Variants in RIMBP2 observed in about 807,000 individuals in gnomAD.
RIMBP2 encodes the protein RIMS-binding protein 2.
Under a neutral mutation model 118.6 loss-of-function variants are expected in RIMBP2, and 48 were observed. That is an observed-to-expected ratio of 0.40 (90% CI 0.32 to 0.51). The LOEUF is 0.51. RIMBP2 is among the 20% of genes least tolerant of loss of function. The probability of loss-of-function intolerance (pLI) is 0.41; values close to 1 mark genes in which losing one functional copy is unlikely to be tolerated. For synonymous variants in RIMBP2, 762 were observed against 742.9 expected (o/e 1.03, Z -0.42); for missense variants, 1,551 against 1,768.3 (o/e 0.88, Z 2.20).
chr12:130,450,321 G>A lies in RIMBP2; in HGVS notation c.505-45C>T, dbSNP rs1463527167. Reference sequence around the variant, plus strand: ...TGTGTGGGTTATTGAAGCTGGAGGTGTCCCACCCCATTCCCGCGGCACACG... The same window carrying A: ...TGTGTGGGTTATTGAAGCTGGAGGTATCCCACCCCATTCCCGCGGCACACG... On this transcript the variant is annotated intron_variant, in intron 8 of 22. Coordinates refer to ENST00000690449, the MANE Select transcript of RIMBP2 (RefSeq NM_001393629.1). This position sits in a 1 kb window ranked among gnomAD's most constrained non-coding sequence, Gnocchi z 4.8. 1.4e-6 allele frequency: 2 copies of A among 1,439,300 alleles called. No individual in the cohort carries two copies. The highest frequency in any genetic ancestry group is 1.9e-6 in the Non-Finnish European group (2 of 1,032,794). 89.2% of individuals were successfully genotyped at this position (1,439,300 alleles called of 1,614,324 possible). A position where few individuals can be genotyped will look rare whatever the true frequency, so the allele number is the denominator to read the frequency against.
At chr12:130,664,334 CAG>C (rs2136372844) in intron 1 of RIMBP2, among the ~76,000 whole-genome samples, 1 of 151,514 alleles carries the variant, frequency 6.6e-6, no homozygotes, top group Non-Finnish European at 1.5e-5. Context: ...GAAATAGACA[CAG>C]AAATACACAC....
In RIMBP2 at chr12:130,442,663, G is replaced by A. The variant is rs2078225186; in HGVS notation, c.692-3C>T. On this transcript the variant is annotated splice_region_variant and splice_polypyrimidine_tract_variant and intron_variant, in intron 10 of 22. Transcript: ENST00000690449. This position sits in a 1 kb window ranked among gnomAD's most constrained non-coding sequence, Gnocchi z 6.9. Reference sequence around the variant, plus strand: ...CCTCTGGCCATCGAGGAGCTCTCCTGTTGGGTACAAGGACAGAGTTATCAC... The same window carrying A: ...CCTCTGGCCATCGAGGAGCTCTCCTATTGGGTACAAGGACAGAGTTATCAC... The A allele has an allele frequency of 6.2e-7, 1 of 1,611,932 alleles. No homozygotes were observed. The highest frequency in any genetic ancestry group is 1.7e-5 in the Admixed American group (1 of 59,958).
intron 1 of RIMBP2, among the ~76,000 whole-genome samples, chr12:130,664,187 T>C (rs776638954): frequency 6.6e-6 from 1 of 151,620 alleles, no homozygotes; most frequent in Non-Finnish European, 1.5e-5. Context: ...ATTAAGCAGA[T>C]AAATATGTAT....
chr12:130,558,249 G>A (rs1051052621), intron 2 of RIMBP2, among the ~76,000 whole-genome samples: 4 of 151,942 alleles, frequency 2.6e-5, no homozygotes, highest in East Asian at 3.9e-4. Flanking sequence ...ATTGTCTCAC[G>A]GAGAAGAGCT....
chr12:130,610,939 G>A (rs537355969), intron 2 of RIMBP2, among the ~76,000 whole-genome samples: 1 of 152,294 alleles, frequency 6.6e-6, no homozygotes, highest in East Asian at 1.9e-4. Flanking sequence ...ATTGGAGGCT[G>A]TTGCTGCCCA....
intron 1 of RIMBP2, among the ~76,000 whole-genome samples, chr12:130,638,345 A>G (rs2062444381): frequency 6.6e-6 from 1 of 152,254 alleles, no homozygotes. Flanking sequence ...AGGAGCCTTC[A>G]TTGCACATCA....
In RIMBP2 at chr12:130,434,674, G is replaced by A. The variant is rs375023895; in HGVS notation, c.2253+60C>T. 31 of 1,542,884 alleles carry A rather than the reference G, an allele frequency of 2.0e-5. No individual in the cohort carries two copies. The highest frequency in any genetic ancestry group is 2.6e-5 in the Non-Finnish European group (30 of 1,146,602). On this transcript the variant is annotated intron_variant, in intron 14 of 22. Transcript: ENST00000690449. This position sits in a 1 kb window ranked among gnomAD's most constrained non-coding sequence, Gnocchi z 5.7. The stretch of plus-strand genomic sequence containing the variant: ...AGTGCCCATGTCTCTTGATCTCCAC[G>A]GGGCCCGCTCCGAGCCCGCGCCCAC...
intron 1 of RIMBP2, among the ~76,000 whole-genome samples, chr12:130,676,314 T>C (rs1340238725): frequency 6.6e-5 from 6 of 90,246 alleles, no homozygotes; most frequent in African/African-American, 2.6e-4. Context: ...CAGTGGAGGA[T>C]GGATTAAAAA....
chr12:130,434,455 T>G lies in RIMBP2; in HGVS notation c.2253+279A>C, dbSNP rs760920451. 3.0e-4 allele frequency among the ~76,000 whole-genome samples: 46 copies of G among 152,288 alleles called. No homozygotes were observed. Among genetic ancestry groups the G allele is most frequent in the Admixed American group, 7.8e-4 (12 of 15,298 alleles). On this transcript the variant is annotated intron_variant, in intron 14 of 22. Transcript: ENST00000690449. This position sits in a 1 kb window ranked among gnomAD's most constrained non-coding sequence, Gnocchi z 5.7. ...AACTGAGCCTAACCCTACCCGGACCTGCAAAACCACCCCTATGACCGAATA... is the reference window on the plus strand; with the variant it reads ...AACTGAGCCTAACCCTACCCGGACCGGCAAAACCACCCCTATGACCGAATA...
chr12:130,575,439 A>G (rs2058023909), intron 2 of RIMBP2, among the ~76,000 whole-genome samples: 1 of 151,976 alleles, frequency 6.6e-6, no homozygotes. Flanking sequence ...CCTTTTAAGC[A>G]ATATTCATGT....
At chr12:130,547,895 CAAGA>C (rs1379959206) in intron 2 of RIMBP2, among the ~76,000 whole-genome samples, 2 of 152,110 alleles carry the variant, frequency 1.3e-5, no homozygotes, top group Non-Finnish European at 2.9e-5. Context: ...AGGTTTCTAC[CAAGA>C]AAGGCCTAAT....
At chr12:130,500,740 C>A (rs1014872909) in intron 4 of RIMBP2, among the ~76,000 whole-genome samples, 2 of 152,048 alleles carry the variant, frequency 1.3e-5, no homozygotes, top group Non-Finnish European at 2.9e-5. Context: ...ATTCACAGGC[C>A]GCATGTCCCC....
At chr12:130,585,853 C>A (rs149172928) in intron 2 of RIMBP2, among the ~76,000 whole-genome samples, 166 of 152,284 alleles carry the variant, frequency 1.1e-3, no homozygotes, top group Non-Finnish European at 1.9e-3. Context: ...TCCCACATTT[C>A]ACTTCTTGGT....
intron 2 of RIMBP2, among the ~76,000 whole-genome samples, chr12:130,532,347 G>A (rs530876937): frequency 1.7e-4 from 25 of 149,522 alleles, no homozygotes; most frequent in African/African-American, 5.7e-4. Flanking sequence ...AATGAGATGC[G>A]TGTGTGTAGC....
At chr12:130,500,549 CT>C (rs778867615) in intron 4 of RIMBP2, among the ~76,000 whole-genome samples, 9 of 152,172 alleles carry the variant, frequency 5.9e-5, no homozygotes, top group Non-Finnish European at 8.8e-5. Context: ...GGCACGTTGT[CT>C]TTAGCTAAAT....
At chr12:130,646,341 C>CCCTCACCACTTGCCTCTCCACCTG (rs2062950870) in intron 1 of RIMBP2, among the ~76,000 whole-genome samples, 1 of 114,876 alleles carries the variant, frequency 8.7e-6, no homozygotes, top group Non-Finnish European at 1.9e-5. Flanking sequence ...CTCACCACCT[C>CCCTCACCACTTGCCTCTCCACCTG]CCTCACCACC....
intron 1 of RIMBP2, among the ~76,000 whole-genome samples, chr12:130,701,702 G>A (rs1161841272): frequency 2.0e-5 from 3 of 152,082 alleles, no homozygotes; most frequent in African/African-American, 7.2e-5. Flanking sequence ...CTGCTTGACA[G>A]TGTGGGAAGC....
rs533439177 is a variant in RIMBP2, at chr12:130,695,026, C to T, written c.-352+21196G>A. ...CCGTCAGTGTCGCTCCCATTATGAA[C>T]GCAAATGTCCAGTCGTGAACACAAT... On this transcript the variant is annotated intron_variant, in intron 1 of 22. Transcript: ENST00000690449. 1.6e-4 allele frequency among the ~76,000 whole-genome samples: 25 copies of T among 152,324 alleles called. 1 individual carries two copies. In the East Asian group the frequency reaches 1.9e-3, roughly 12 times the overall value.
At chr12:130,517,373 A>G (rs937041209) in intron 3 of RIMBP2, among the ~76,000 whole-genome samples, 3 of 152,206 alleles carry the variant, frequency 2.0e-5, no homozygotes, top group African/African-American at 7.2e-5. Flanking sequence ...CTTAAGAAAT[A>G]GATTCCTTTT....
Sources: gnomAD v4.1 joint callset for allele counts (sites outside exome capture counted in the v4.1 genomes callset) on GRCh38, gnomAD v4.1.1 for gene constraint, Gnocchi (gnomAD v3.1) non-coding constraint, MANE v1.5 for transcripts, NCBI Gene and HGNC (gene_info 2026-07-23, HGNC 2026-07-21) for gene names.